EPB41L2: variants seen among roughly 807,000 people sequenced by gnomAD.
EPB41L2 encodes erythrocyte membrane protein band 4.1 like 2.
Under a neutral mutation model 113.0 loss-of-function variants are expected in EPB41L2, and 43 were observed. That is an observed-to-expected ratio of 0.38 (90% CI 0.30 to 0.49). The LOEUF (loss-of-function observed/expected upper bound fraction) is 0.49, where lower values mean the gene tolerates loss of function less well. EPB41L2 is among the 20% of genes least tolerant of loss of function. The pLI, the probability that EPB41L2 is intolerant of heterozygous loss-of-function variation, is 0.95. For missense variants in EPB41L2, 1,147 were observed against 1,223.4 expected, an observed-to-expected ratio of 0.94 and a Z score of 0.93; for synonymous variants, 442 against 436.7, an observed-to-expected ratio of 1.01 and a Z score of -0.15.
rs528657127 is a variant in EPB41L2, at chr6:131,019,605, A to G, written c.-15+43550T>C. On this transcript the variant is annotated intron_variant, in intron 1 of 19. Transcript: ENST00000337057. Reference sequence around the variant, plus strand: ...CCTAAATTAGTTAGCATTTTCCTGAATGAATATTGGAATTTCATAAAATGC... The same window carrying G: ...CCTAAATTAGTTAGCATTTTCCTGAGTGAATATTGGAATTTCATAAAATGC... 2.6e-5 allele frequency among the ~76,000 whole-genome samples: 4 copies of G among 152,296 alleles called. No individual in the cohort carries two copies. In the South Asian group the frequency reaches 8.3e-4, roughly 32 times the overall value.
rs143856286 is a variant in EPB41L2 at position 130,963,240 on chromosome 6, T to C, written c.-14-6741A>G. The stretch of plus-strand genomic sequence containing the variant: ...TCAAAAACATCTTGATGTTGACTTC[T>C]GCATATTCTGAGGAGAGCATTAGAA... On this transcript the variant is annotated intron_variant, in intron 1 of 19. Coordinates refer to ENST00000337057, the MANE Select transcript of EPB41L2 (RefSeq NM_001431.4). 3.4e-3 allele frequency among the ~76,000 whole-genome samples: 511 copies of C among 152,346 alleles called. 11 individuals are homozygous for C. Among genetic ancestry groups the C allele is most frequent in the Admixed American group, 0.025 (380 of 15,310 alleles).
chr6:131,051,479 CACACACAA>C (rs1463840578), intron 1 of EPB41L2, among the ~76,000 whole-genome samples: 1 of 143,530 alleles, frequency 7.0e-6, no homozygotes, highest in Non-Finnish European at 1.5e-5. Flanking sequence ...CACACACACA[CACACACAA>C]CAGCAACAAT....
intron 3 of EPB41L2, among the ~76,000 whole-genome samples, chr6:130,930,619 C>A (rs1218317369): frequency 2.0e-5 from 3 of 152,064 alleles, no homozygotes; most frequent in Non-Finnish European, 4.4e-5. Context: ...AAAAGATAAT[C>A]CAGTTTAAAC....
rs558446801 is a variant in EPB41L2 at position 130,876,730 on chromosome 6, T to G, written c.2043+1374A>C. ...GTCCATATTGTCGGCATCAGGTACTTCTCCTTCACGGATAAAATATCCTTG... is the reference window on the plus strand; with the variant it reads ...GTCCATATTGTCGGCATCAGGTACTGCTCCTTCACGGATAAAATATCCTTG... On this transcript the variant is annotated intron_variant, in intron 14 of 19. Transcript: ENST00000337057. The G allele has an allele frequency of 9.2e-6, 12 of 1,304,206 alleles. No individual in the cohort carries two copies. In the Admixed American group the frequency reaches 2.8e-4, roughly 30 times the overall value. The allele number at this position is 1,304,206 out of a possible 1,614,324, so 80.8% of individuals were successfully genotyped here.
At chr6:130,981,266 T>G (rs1779325043) in intron 1 of EPB41L2, among the ~76,000 whole-genome samples, 1 of 152,194 alleles carries the variant, frequency 6.6e-6, no homozygotes, top group Non-Finnish European at 1.5e-5. Flanking sequence ...TCCTTATCAG[T>G]ACAGAGGCAG....
chr6:131,012,169 C>T lies in EPB41L2; in HGVS notation c.-15+50986G>A, dbSNP rs556190916. On this transcript the variant is annotated intron_variant, in intron 1 of 19. Coordinates refer to ENST00000337057, the MANE Select transcript of EPB41L2 (RefSeq NM_001431.4). ...GCAGTGAGCCGAGACTGAGTCACTG[C>T]ACTCCAGGCTGGGCAACTGAGGGAG... 6.6e-5 allele frequency among the ~76,000 whole-genome samples: 10 copies of T among 151,918 alleles called. No individual in the cohort carries two copies. In the South Asian group the frequency reaches 2.1e-3, roughly 32 times the overall value.
At position 130,894,368 on chromosome 6, in the gene EPB41L2, C is replaced by T; in HGVS notation, c.1463G>A (p.Cys488Tyr). The T allele has an allele frequency of 6.2e-7, 1 of 1,613,826 alleles. No individual in the cohort carries two copies. The highest frequency in any genetic ancestry group is 8.5e-7 in the Non-Finnish European group (1 of 1,179,822). Residue 488 changes from cysteine to tyrosine, a missense_variant, in exon 10 of 20, where the codon TGC (cysteine) becomes TAC (tyrosine). Transcript: ENST00000337057. ...CCTGTAGAAAGTATGATGCTCCACG[C>T]ACACTTTCCATAGTCTTTTCGCTGC... is the stretch of plus-strand genomic sequence containing the variant. ...HRAAKRLWKV[C>Y]VEHHTFYRLV...
intron 7 of EPB41L2, among the ~76,000 whole-genome samples, chr6:130,900,536 C>T (rs1796000123): frequency 6.6e-6 from 1 of 152,186 alleles, no homozygotes; most frequent in Non-Finnish European, 1.5e-5. Context: ...ACGTCCATCA[C>T]CACCTACACT....
chr6:131,009,606 C>A (rs1786429892), intron 1 of EPB41L2, among the ~76,000 whole-genome samples: 1 of 151,858 alleles, frequency 6.6e-6, no homozygotes, highest in Admixed American at 6.6e-5. Context: ...CAGCCATAAT[C>A]CAACCACAGC....
Position 130,870,464 on chromosome 6 carries a change from A to T in EPB41L2, c.2044-338T>A, listed in dbSNP as rs116346780. On this transcript the variant is annotated intron_variant, in intron 14 of 19. Coordinates refer to ENST00000337057, the MANE Select transcript of EPB41L2 (RefSeq NM_001431.4). ...ACTGAAACAAACATCTGACACTGCA[A>T]AGACAAAACAGCAAGAATCAACATC... is the stretch of plus-strand genomic sequence containing the variant. 4.0e-4 allele frequency: 549 copies of T among 1,381,848 alleles called. 1 individual carries two copies. The African/African-American group carries it at 6.9e-3, about 17-fold the overall frequency. 85.6% of individuals were successfully genotyped at this position (1,381,848 alleles called of 1,614,324 possible). A position where few individuals can be genotyped will look rare whatever the true frequency, so the allele number is the denominator to read the frequency against.
intron 19 of EPB41L2, among the ~76,000 whole-genome samples, chr6:130,845,579 C>T (rs965239265): frequency 3.0e-4 from 46 of 152,100 alleles, no homozygotes; most frequent in African/African-American, 1.1e-3. Context: ...CAAGCTCTTG[C>T]TATACTGCCC....
intron 1 of EPB41L2, among the ~76,000 whole-genome samples, chr6:131,022,972 A>G (rs2128741704): frequency 6.6e-6 from 1 of 152,324 alleles, no homozygotes; most frequent in South Asian, 2.1e-4. Flanking sequence ...TGTTTTGTAA[A>G]CCACCTTATT....
intron 3 of EPB41L2, among the ~76,000 whole-genome samples, chr6:130,942,873 T>G (rs1390497176): frequency 6.6e-6 from 1 of 152,212 alleles, no homozygotes; most frequent in Non-Finnish European, 1.5e-5. Flanking sequence ...GTTCCTGTTT[T>G]GCTGAGAATG....
intron 4 of EPB41L2, among the ~76,000 whole-genome samples, chr6:130,911,524 A>G (rs1412338812): frequency 6.6e-6 from 1 of 152,100 alleles, no homozygotes; most frequent in Non-Finnish European, 1.5e-5. Context: ...GTACAATAAT[A>G]ATAAAAAAAA....
At chr6:131,005,952 G>C (rs920926324) in intron 1 of EPB41L2, among the ~76,000 whole-genome samples, 8 of 152,208 alleles carry the variant, frequency 5.3e-5, no homozygotes, top group African/African-American at 1.9e-4. Context: ...CTCCCTGACA[G>C]CAGATAGCCT....
At chr6:130,848,242 C>CACAG (rs1554229215) in intron 19 of EPB41L2, among the ~76,000 whole-genome samples, 1 of 144,188 alleles carries the variant, frequency 6.9e-6, no homozygotes, top group Non-Finnish European at 1.5e-5. Flanking sequence ...CACACACACA[C>CACAG]AGAATCTAAA....
At chr6:131,027,518 T>C (rs757737640) in intron 1 of EPB41L2, among the ~76,000 whole-genome samples, 1 of 152,160 alleles carries the variant, frequency 6.6e-6, no homozygotes, top group Non-Finnish European at 1.5e-5. Flanking sequence ...CAATTATCCA[T>C]TACCTCACAA....
Position 130,894,366 on chromosome 6 carries a change from C to T in EPB41L2, c.1465G>A (p.Val489Met), listed in dbSNP as rs1793919927. The T allele has an allele frequency of 1.9e-6, 3 of 1,613,754 alleles. No individual in the cohort carries two copies. Among genetic ancestry groups the T allele is most frequent in the Non-Finnish European group, 2.5e-6 (3 of 1,179,776 alleles). ...RAAKRLWKVC[V>M]EHHTFYRLVS... ...TACCTGTAGAAAGTATGATGCTCCA[C>T]GCACACTTTCCATAGTCTTTTCGCT... Residue 489 changes from valine (V) to methionine (M), a missense_variant, in exon 10 of 20, where the codon GTG (valine) becomes ATG (methionine). Physicochemically the swap from Val to Met is conservative, Grantham distance 21 (BLOSUM62 1). Coordinates refer to ENST00000337057, the MANE Select transcript of EPB41L2 (RefSeq NM_001431.4).
intron 3 of EPB41L2, among the ~76,000 whole-genome samples, chr6:130,951,494 T>C (rs1231081760): frequency 6.6e-6 from 1 of 151,312 alleles, no homozygotes; most frequent in African/African-American, 2.4e-5. Context: ...CCGGCTAAAA[T>C]TTTTGTATTT....
Sources: gnomAD v4.1 joint callset for allele counts (sites outside exome capture counted in the v4.1 genomes callset) on GRCh38, gnomAD v4.1.1 for gene constraint, MANE v1.5 for transcripts, NCBI Gene and HGNC (gene_info 2026-07-23, HGNC 2026-07-21) for gene names.